The following CCSER1 variants were observed in gnomAD, a reference collection of about 807,000 sequenced individuals.
CCSER1 encodes coiled-coil serine rich protein 1.
In CCSER1, 41 loss-of-function variants were observed where a neutral mutation model predicts 82.0. The observed-to-expected ratio is 0.50, with a 90% CI of 0.39 to 0.65. The LOEUF is 0.65. Ranked by LOEUF, CCSER1 falls within the 30% of genes least tolerant of loss-of-function variation. The pLI, the probability that CCSER1 is intolerant of heterozygous loss-of-function variation, is 0.00. For synonymous variants in CCSER1, 414 were observed against 383.9 expected, an observed-to-expected ratio of 1.08 and a Z score of -0.92; for missense variants, 1,119 against 1,064.2, an observed-to-expected ratio of 1.05 and a Z score of -0.72.
intron 6 of CCSER1, among the ~76,000 whole-genome samples, chr4:90,687,249 A>G (rs1211757407): frequency 6.6e-6 from 1 of 152,106 alleles, no homozygotes; most frequent in African/African-American, 2.4e-5. Context: ...ATTGCAACTC[A>G]AAGAGAAAGC....
At chr4:91,099,710 T>G (rs1401117160) in intron 10 of CCSER1, among the ~76,000 whole-genome samples, 2 of 152,130 alleles carry the variant, frequency 1.3e-5, no homozygotes, top group Non-Finnish European at 2.9e-5. Context: ...AATTTAAACA[T>G]TTTCTGTTTG....
intron 10 of CCSER1, among the ~76,000 whole-genome samples, chr4:91,590,672 A>G (rs1006992530): frequency 6.6e-6 from 1 of 152,114 alleles, no homozygotes; most frequent in African/African-American, 2.4e-5. Context: ...TTGTGTCGTG[A>G]TATATCAAAA....
chr4:90,740,352 T>G (rs1746338574), intron 7 of CCSER1, among the ~76,000 whole-genome samples: 1 of 152,300 alleles, frequency 6.6e-6, no homozygotes, highest in African/African-American at 2.4e-5. Flanking sequence ...GCATTACTGA[T>G]GGATGATGAA....
At chr4:90,256,966 G>A (rs566311673) in intron 1 of CCSER1, among the ~76,000 whole-genome samples, 1 of 151,898 alleles carries the variant, frequency 6.6e-6, no homozygotes, top group African/African-American at 2.4e-5. Flanking sequence ...CCATATATAT[G>A]TATGTATAAG....
intron 3 of CCSER1, among the ~76,000 whole-genome samples, chr4:90,379,727 G>A (rs1198273837): frequency 2.0e-5 from 3 of 152,066 alleles, no homozygotes; most frequent in African/African-American, 7.2e-5. Context: ...ATAAGAAATG[G>A]GAGATTGTGT....
intron 7 of CCSER1, among the ~76,000 whole-genome samples, chr4:90,776,557 A>C (rs1337803059): frequency 1.3e-5 from 2 of 152,228 alleles, no homozygotes; most frequent in East Asian, 3.8e-4. Context: ...ATAGACTTTA[A>C]TGTTAATAGG....
intron 10 of CCSER1, among the ~76,000 whole-genome samples, chr4:91,309,546 C>T (rs529606748): frequency 1.3e-5 from 2 of 152,096 alleles, no homozygotes; most frequent in South Asian, 2.1e-4. Context: ...CCTTTTTCTT[C>T]AGACAATATT....
chr4:91,273,380 T>C (rs1742190201), intron 10 of CCSER1, among the ~76,000 whole-genome samples: 1 of 152,048 alleles, frequency 6.6e-6, no homozygotes, highest in South Asian at 2.1e-4. Context: ...GTAAAAGGGG[T>C]TGAGTTCTTG....
intron 6 of CCSER1, among the ~76,000 whole-genome samples, chr4:90,650,165 C>T (rs892014102): frequency 1.1e-4 from 17 of 151,926 alleles, no homozygotes; most frequent in Non-Finnish European, 1.6e-4. Flanking sequence ...TGCAGTGAGC[C>T]GAGGTTGCAC....
intron 10 of CCSER1, among the ~76,000 whole-genome samples, chr4:91,097,800 GA>G (rs1221157155): frequency 1.3e-5 from 2 of 151,934 alleles, no homozygotes; most frequent in Non-Finnish European, 2.9e-5. Context: ...AGACACTTAG[GA>G]AAAAAGTGTA....
chr4:90,135,831 C>T (rs1723598132), intron 1 of CCSER1, among the ~76,000 whole-genome samples: 1 of 152,198 alleles, frequency 6.6e-6, no homozygotes, highest in African/African-American at 2.4e-5. Context: ...AATAATCATG[C>T]ACCTCTTATT....
chr4:91,347,550 C>A (rs565469185), intron 10 of CCSER1, among the ~76,000 whole-genome samples: 1 of 151,612 alleles, frequency 6.6e-6, no homozygotes, highest in Non-Finnish European at 1.5e-5. Context: ...ATGTATTGAT[C>A]AAGTTGGGAA....
intron 5 of CCSER1, among the ~76,000 whole-genome samples, chr4:90,522,541 C>A (rs1016607222): frequency 6.6e-6 from 1 of 152,102 alleles, no homozygotes; most frequent in African/African-American, 2.4e-5. Context: ...CACTGACCAT[C>A]GCCTCAACTT....
At chr4:91,078,628 T>A (rs182748351) in intron 9 of CCSER1, among the ~76,000 whole-genome samples, 1 of 152,244 alleles carries the variant, frequency 6.6e-6, no homozygotes, top group Admixed American at 6.5e-5. Flanking sequence ...AATAACAAAC[T>A]TCTCCGAGCT....
chr4:90,480,340 T>C (rs1460679272), intron 5 of CCSER1, among the ~76,000 whole-genome samples: 1 of 152,232 alleles, frequency 6.6e-6, no homozygotes, highest in African/African-American at 2.4e-5. Context: ...CTGTTCATTC[T>C]GACGGTGGTT....
At chr4:91,399,785 C>T (rs1752208785) in intron 10 of CCSER1, among the ~76,000 whole-genome samples, 1 of 151,964 alleles carries the variant, frequency 6.6e-6, no homozygotes, top group South Asian at 2.1e-4. Context: ...ACCCACTTCC[C>T]TGGGAGTCCA....
At chr4:91,404,108 T>A (rs1021608487) in intron 10 of CCSER1, among the ~76,000 whole-genome samples, 3 of 152,212 alleles carry the variant, frequency 2.0e-5, no homozygotes, top group African/African-American at 7.2e-5. Context: ...TTCAACTTCT[T>A]CCTGGTTTAA....
At chr4:90,904,127 C>T (rs1339120487) in intron 8 of CCSER1, among the ~76,000 whole-genome samples, 1 of 151,568 alleles carries the variant, frequency 6.6e-6, no homozygotes, top group Non-Finnish European at 1.5e-5. Context: ...TTATCTTTTC[C>T]TTGACTGGTT....
intron 5 of CCSER1, among the ~76,000 whole-genome samples, chr4:90,480,466 G>C (rs1459638291): frequency 1.3e-5 from 2 of 152,112 alleles, no homozygotes; most frequent in Non-Finnish European, 2.9e-5. Context: ...CCTACATCCT[G>C]AATGGTATTG....
Sources: allele counts gnomAD v4.1 joint callset (sites outside exome capture counted in the v4.1 genomes callset), GRCh38; gene constraint gnomAD v4.1.1; transcripts MANE v1.5; gene names NCBI Gene and HGNC (gene_info 2026-07-23, HGNC 2026-07-21).